KLHL22: variants seen among roughly 807,000 people sequenced by gnomAD.
The protein encoded by KLHL22 is kelch-like protein 22.
A neutral mutation model predicts 60.7 loss-of-function variants in KLHL22; 18 were observed. The ratio of observed to expected loss-of-function variants is 0.30; its 90% CI spans 0.20 to 0.44. The LOEUF (loss-of-function observed/expected upper bound fraction) is 0.44. KLHL22 is among the 20% of genes least tolerant of loss of function. The pLI is 1.00. For synonymous variants in KLHL22, 355 were observed against 354.5 expected, an observed-to-expected ratio of 1.00 and a Z score of -0.01; for missense variants, 596 against 852.3, an observed-to-expected ratio of 0.70 and a Z score of 3.74.
intron 2 of KLHL22, among the ~76,000 whole-genome samples, chr22:20,472,352 A>C (rs1204456302): frequency 6.6e-6 from 1 of 152,254 alleles, no homozygotes; most frequent in Non-Finnish European, 1.5e-5. Context: ...ACCCTCTGGG[A>C]GGCCAAGGCA....
At position 20,460,608 on chromosome 22, in the gene KLHL22, CCCAAAAAAAAAAAAA is replaced by C. The variant is rs2053137167; in HGVS notation, c.1113-2623_1113-2609del. ...TGGGCGACAGAGTGAAACTCCATCC[CCCAAAAAAAAAAAAA>C]AAAAAAAAAAAAAAAAAAAAAAAAG... On this transcript the variant is annotated intron_variant, in intron 4 of 6. Coordinates refer to ENST00000328879, the MANE Select transcript of KLHL22 (RefSeq NM_032775.4). Among the ~76,000 whole-genome samples the C allele has an allele frequency of 4.0e-4, 13 of 32,674 alleles. 1 individual carries two copies. In the East Asian group the frequency reaches 4.3e-3, roughly 11 times the overall value. 21.4% of individuals were successfully genotyped at this position (32,674 alleles called of 152,430 possible).
chr22:20,493,908 C>CA (rs2053728108), intron 1 of KLHL22, among the ~76,000 whole-genome samples: 1 of 151,848 alleles, frequency 6.6e-6, no homozygotes, highest in Non-Finnish European at 1.5e-5. Flanking sequence ...ACTAAAAATA[C>CA]AAAAATTAGT....
chr22:20,488,655 ATTACT>A, intron 2 of KLHL22: 9 of 383,168 alleles, frequency 2.3e-5, no homozygotes, highest in Non-Finnish European at 3.9e-5. Context: ...CACAGCAATA[ATTACT>A]GACGGAGGGG....
At chr22:20,484,377 C>T (rs1478629065) in intron 2 of KLHL22, among the ~76,000 whole-genome samples, 1 of 152,168 alleles carries the variant, frequency 6.6e-6, no homozygotes, top group African/African-American at 2.4e-5. Context: ...TCACTACAAC[C>T]TCCACCTCCC....
intron 4 of KLHL22, among the ~76,000 whole-genome samples, chr22:20,462,729 T>C (rs977385422): frequency 4.6e-5 from 7 of 152,012 alleles, no homozygotes; most frequent in Non-Finnish European, 8.8e-5. Flanking sequence ...TACCATGTAG[T>C]TGGTGTTCAG....
chr22:20,459,596 G>A (rs921386562), intron 4 of KLHL22, among the ~76,000 whole-genome samples: 1 of 152,228 alleles, frequency 6.6e-6, no homozygotes, highest in African/African-American at 2.4e-5. Flanking sequence ...TAACTTGGGG[G>A]TTCTGATGGA....
intron 1 of KLHL22, chr22:20,489,767 C>A (rs1160227370): frequency 2.1e-6 from 1 of 471,150 alleles, no homozygotes; most frequent in Non-Finnish European, 4.4e-6. Context: ...AATGGCAAGA[C>A]CTGAGTAGTG....
chr22:20,442,044 C>T lies in KLHL22; in HGVS notation c.*29G>A, dbSNP rs2052766504. ...TTCACTGCCCTGCAGCCCCAGCCTC[C>T]CTTCCCTCTGATGCCAGGCACAGGG... On this transcript the variant is annotated 3_prime_UTR_variant, in exon 7 of 7. Coordinates refer to ENST00000328879, the MANE Select transcript of KLHL22 (RefSeq NM_032775.4). The T allele has an allele frequency of 1.3e-6, 2 of 1,490,968 alleles. No individual in the cohort carries two copies. Among genetic ancestry groups the T allele is most frequent in the South Asian group, 2.8e-5 (2 of 71,676 alleles). The allele number at this position is 1,490,968 out of a possible 1,614,324, so 92.4% of individuals were successfully genotyped here.
intron 5 of KLHL22, among the ~76,000 whole-genome samples, chr22:20,453,549 C>A (rs1053378497): frequency 1.2e-4 from 18 of 152,102 alleles, no homozygotes; most frequent in Non-Finnish European, 1.5e-4. Context: ...GCCTTGATTA[C>A]TGTAGCTATG....
chr22:20,446,692 A>G lies in KLHL22; in HGVS notation c.1306-16T>C, dbSNP rs1279179568. 1 of 1,602,136 alleles carries G rather than the reference A, an allele frequency of 6.2e-7. No individual in the cohort carries two copies. The highest frequency in any genetic ancestry group is 1.3e-5 in the African/African-American group (1 of 74,948). On this transcript the variant is annotated splice_polypyrimidine_tract_variant and intron_variant, in intron 5 of 6. Coordinates refer to ENST00000328879, the MANE Select transcript of KLHL22 (RefSeq NM_032775.4). The stretch of plus-strand genomic sequence containing the variant: ...GGGCATACACCTGTGTGGAGCCACC[A>G]GGAGAAATGGCGTGAGAGGGCAGTG...
chr22:20,449,672 C>A (rs2052942469), intron 5 of KLHL22, among the ~76,000 whole-genome samples: 1 of 152,222 alleles, frequency 6.6e-6, no homozygotes, highest in Non-Finnish European at 1.5e-5. Context: ...TTTCAAAGTG[C>A]TGGGATTACA....
At chr22:20,462,024 A>G (rs4626022) in intron 4 of KLHL22, among the ~76,000 whole-genome samples, 55,079 of 151,916 alleles carry the variant, frequency 0.36, 10,181 homozygotes, top group East Asian at 0.46. Flanking sequence ...CTTGAACCTC[A>G]GAGGCGGAGG....
intron 3 of KLHL22, 93 bp downstream of exon 3, chr22:20,471,257 T>C: frequency 8.0e-7 from 1 of 1,255,980 alleles, no homozygotes; most frequent in Non-Finnish European, 1.1e-6. Flanking sequence ...TGACCCATCT[T>C]CAAGCCAATG....
At position 20,442,788 on chromosome 22, in the gene KLHL22, C is replaced by T. The variant is rs543991523; in HGVS notation, c.1540-350G>A. Among the ~76,000 whole-genome samples the T allele has an allele frequency of 7.2e-5, 11 of 152,378 alleles. 1 individual carries two copies. In the East Asian group the frequency reaches 2.1e-3, roughly 29 times the overall value. On this transcript the variant is annotated intron_variant, in intron 6 of 6. Transcript: ENST00000328879. ...GTGCCCCCATCAGCATGTGGTCATT[C>T]CCCATGTCTGAGGGCACTGCTTCTC... is the stretch of plus-strand genomic sequence containing the variant.
chr22:20,468,800 C>T (rs993774181), intron 3 of KLHL22, among the ~76,000 whole-genome samples: 1 of 152,142 alleles, frequency 6.6e-6, no homozygotes, highest in Non-Finnish European at 1.5e-5. Context: ...GCTGGAACTA[C>T]AGGTGCATGC....
chr22:20,460,634 A>C (rs1459716972), intron 4 of KLHL22, among the ~76,000 whole-genome samples: 6 of 148,708 alleles, frequency 4.0e-5, no homozygotes, highest in South Asian at 4.2e-4. Context: ...AAAAAAAAAA[A>C]AAAAAAAAAA....
Position 20,446,448 on chromosome 22 carries a change from G to T in KLHL22, c.1534C>A (p.His512Asn), listed in dbSNP as rs1465172795. Residue 512 changes from histidine (H) to asparagine (N), a missense_variant, in exon 6 of 7, where the codon CAC becomes AAC. Coordinates refer to ENST00000328879, the MANE Select transcript of KLHL22 (RefSeq NM_032775.4). The part of the protein sequence containing the change: ...NNDAGYRRDV[H>N]QVACYSCTSG... ...CTGCCCCGGGCCCCACTCACCTGGT[G>T]CACGTCCCTCCTGTATCCGGCATCG... 2 of 1,597,896 alleles carry T rather than the reference G, an allele frequency of 1.3e-6. No individual in the cohort carries two copies.
chr22:20,489,053 C>T lies in KLHL22; in HGVS notation c.159G>A (p.Val53=). 1.9e-6 allele frequency: 3 copies of T among 1,614,096 alleles called. No individual in the cohort carries two copies. The highest frequency in any genetic ancestry group is 2.5e-6 in the Non-Finnish European group (3 of 1,180,042). The part of the protein sequence containing the change: ...LRDSGILFDV[V]LVVEGRHIEA... ...CGATGTGTCTGCCCTCCACCACCAGCACAACATCGAAGAGGATTCCGCTGT... is the reference window on the plus strand; with the variant it reads ...CGATGTGTCTGCCCTCCACCACCAGTACAACATCGAAGAGGATTCCGCTGT... The change falls in exon 2 of 7, where the codon GTG becomes GTA. Residue 53 remains valine, a synonymous_variant. Coordinates refer to ENST00000328879, the MANE Select transcript of KLHL22 (RefSeq NM_032775.4).
chr22:20,480,606 G>C (rs1220273545), intron 2 of KLHL22, among the ~76,000 whole-genome samples: 1 of 152,074 alleles, frequency 6.6e-6, no homozygotes, highest in East Asian at 1.9e-4. Context: ...TTTAAATCAA[G>C]TGTATTTTAG....
Sources: allele counts gnomAD v4.1 joint callset (sites outside exome capture counted in the v4.1 genomes callset), GRCh38; gene constraint gnomAD v4.1.1; transcripts MANE v1.5; gene names NCBI Gene and HGNC (gene_info 2026-07-23, HGNC 2026-07-21).